FHIT: variants seen among roughly 807,000 people sequenced by gnomAD.
FHIT encodes bis(5'-adenosyl)-triphosphatase.
In FHIT, 19 loss-of-function variants were observed where a neutral mutation model predicts 17.9. The observed-to-expected ratio is 1.06, with a 90% confidence interval of 0.74 to 1.56. The LOEUF (loss-of-function observed/expected upper bound fraction) is 1.56, where lower values mean the gene tolerates loss of function less well. FHIT is among the 40% of genes most tolerant of loss of function. The pLI, the probability that FHIT is intolerant of heterozygous loss-of-function variation, is 0.00. For missense variants in FHIT, 248 were observed against 189.2 expected (o/e 1.31, Z -1.82); for synonymous variants, 81 against 69.7 (o/e 1.16, Z -0.81).
intron 5 of FHIT, among the ~76,000 whole-genome samples, chr3:60,516,096 C>G (rs1023433454): frequency 6.6e-6 from 1 of 152,150 alleles, no homozygotes; most frequent in African/African-American, 2.4e-5. Flanking sequence ...GAGGACCTAT[C>G]CACAAACCTG....
chr3:60,952,564 G>A (rs1342107944), intron 3 of FHIT, among the ~76,000 whole-genome samples: 7 of 152,106 alleles, frequency 4.6e-5, no homozygotes, highest in African/African-American at 9.7e-5. Context: ...ATGCCAGCCC[G>A]AAATATGCCA....
At chr3:60,678,588 A>T (rs2040675400) in intron 4 of FHIT, among the ~76,000 whole-genome samples, 1 of 152,308 alleles carries the variant, frequency 6.6e-6, no homozygotes, top group South Asian at 2.1e-4. Context: ...CTAGAGTTTG[A>T]CAATTTCCAG....
intron 3 of FHIT, among the ~76,000 whole-genome samples, chr3:60,914,180 C>T (rs1309257811): frequency 6.6e-6 from 1 of 152,166 alleles, no homozygotes; most frequent in African/African-American, 2.4e-5. Context: ...ATTTCAATTA[C>T]ACAACTATAT....
At chr3:61,128,832 C>A (rs2036684964) in intron 2 of FHIT, among the ~76,000 whole-genome samples, 1 of 151,856 alleles carries the variant, frequency 6.6e-6, no homozygotes, top group South Asian at 2.1e-4. Flanking sequence ...TATCTACTAC[C>A]TGTTTTTCTT....
At chr3:61,072,668 GC>G (rs905108247) in intron 2 of FHIT, among the ~76,000 whole-genome samples, 2 of 151,972 alleles carry the variant, frequency 1.3e-5, no homozygotes, top group African/African-American at 4.8e-5. Flanking sequence ...TTCTGGCATG[GC>G]CCTATTTTTT....
At chr3:59,867,736 C>T (rs1055063507) in intron 8 of FHIT, among the ~76,000 whole-genome samples, 5 of 152,042 alleles carry the variant, frequency 3.3e-5, no homozygotes, top group Non-Finnish European at 2.9e-5. Context: ...CCAAATATCA[C>T]ATATTATGTA....
At chr3:60,830,947 T>TA (rs1702306894) in intron 3 of FHIT, among the ~76,000 whole-genome samples, 4 of 152,176 alleles carry the variant, frequency 2.6e-5, no homozygotes, top group Non-Finnish European at 5.9e-5. Flanking sequence ...TGTCTAGGTG[T>TA]GATATAAGGG....
chr3:60,267,230 G>GA (rs781401357), intron 5 of FHIT, among the ~76,000 whole-genome samples: 1 of 151,934 alleles, frequency 6.6e-6, no homozygotes, highest in Non-Finnish European at 1.5e-5. Context: ...CAGTTTAAAA[G>GA]AAATGAGGGA....
At chr3:59,956,048 T>C (rs1707377093) in intron 7 of FHIT, among the ~76,000 whole-genome samples, 2 of 152,236 alleles carry the variant, frequency 1.3e-5, no homozygotes, top group Non-Finnish European at 2.9e-5. Context: ...ACAAAAATCC[T>C]CTGGCACAGC....
chr3:59,837,530 GC>G (rs1701382370), intron 8 of FHIT, among the ~76,000 whole-genome samples: 6 of 152,122 alleles, frequency 3.9e-5, no homozygotes, highest in Admixed American at 3.3e-4. Flanking sequence ...GATATGGAGG[GC>G]CAACTGTAAA....
At chr3:59,813,347 G>A (rs1700474857) in intron 8 of FHIT, among the ~76,000 whole-genome samples, 1 of 152,168 alleles carries the variant, frequency 6.6e-6, no homozygotes, top group Admixed American at 6.5e-5. Context: ...TTGGAAATGT[G>A]TGGCTTCTGG....
At chr3:60,895,678 C>CTT (rs1299555839) in intron 3 of FHIT, among the ~76,000 whole-genome samples, 1 of 48,510 alleles carries the variant, frequency 2.1e-5, no homozygotes, top group Non-Finnish European at 5.7e-5. Flanking sequence ...TTCTTTCTTT[C>CTT]TTTCTTTCTT....
At chr3:60,065,514 T>C (rs1702462940) in intron 5 of FHIT, among the ~76,000 whole-genome samples, 1 of 152,120 alleles carries the variant, frequency 6.6e-6, no homozygotes, top group Non-Finnish European at 1.5e-5. Flanking sequence ...CTCTTAATCA[T>C]TATAAAAGTA....
At chr3:60,751,294 G>A (rs1197881536) in intron 4 of FHIT, among the ~76,000 whole-genome samples, 1 of 152,212 alleles carries the variant, frequency 6.6e-6, no homozygotes, top group African/African-American at 2.4e-5. Context: ...ACAGAGAGGT[G>A]TTCAATGGAT....
At chr3:59,889,067 C>G (rs1023427403) in intron 8 of FHIT, among the ~76,000 whole-genome samples, 1 of 152,230 alleles carries the variant, frequency 6.6e-6, no homozygotes, top group African/African-American at 2.4e-5. Flanking sequence ...TCTGTCAATA[C>G]TGTTGTTCTG....
At chr3:61,015,185 C>A (rs1417389135) in intron 3 of FHIT, among the ~76,000 whole-genome samples, 1 of 152,040 alleles carries the variant, frequency 6.6e-6, no homozygotes, top group African/African-American at 2.4e-5. Context: ...AATAAAATGG[C>A]CTTGATGTCA....
chr3:60,379,046 G>A (rs1185963388), intron 5 of FHIT, among the ~76,000 whole-genome samples: 2 of 152,170 alleles, frequency 1.3e-5, no homozygotes, highest in Non-Finnish European at 2.9e-5. Flanking sequence ...GTCTTTGGTT[G>A]CACAATGATG....
At chr3:60,084,823 T>G (rs1175833964) in intron 5 of FHIT, among the ~76,000 whole-genome samples, 1 of 152,202 alleles carries the variant, frequency 6.6e-6, no homozygotes, top group Non-Finnish European at 1.5e-5. Context: ...TAAGTCTTCC[T>G]TGGCTTTCTA....
chr3:59,768,631 A>T (rs1333696662), intron 8 of FHIT, among the ~76,000 whole-genome samples: 1 of 148,678 alleles, frequency 6.7e-6, no homozygotes, highest in African/African-American at 2.6e-5. Context: ...CATCAATGTC[A>T]TATGGTTCAA....
Sources: gnomAD v4.1 joint callset for allele counts (sites outside exome capture counted in the v4.1 genomes callset) on GRCh38, gnomAD v4.1.1 for gene constraint, MANE v1.5 for transcripts, NCBI Gene and HGNC (gene_info 2026-07-23, HGNC 2026-07-21) for gene names.